Variants in VPS53 observed in about 807,000 individuals in gnomAD.
VPS53 encodes vacuolar protein sorting-associated protein 53 homolog.
VPS53 carries 70 observed loss-of-function variants against 107.0 expected under a neutral mutation model. That is an observed-to-expected ratio of 0.65 (90% CI 0.54 to 0.80). The LOEUF is 0.80. VPS53 is among the 30% of genes least tolerant of loss of function. The pLI, the probability that VPS53 is intolerant of heterozygous loss-of-function variation, is 0.00. For synonymous variants in VPS53, 409 were observed against 393.3 expected (o/e 1.04, Z -0.47); for missense variants, 917 against 1,049.4 (o/e 0.87, Z 1.74).
At chr17:523,606 C>T (rs1452787515) in intron 19 of VPS53, among the ~76,000 whole-genome samples, 2 of 152,108 alleles carry the variant, frequency 1.3e-5, no homozygotes, top group South Asian at 2.1e-4. Flanking sequence ...ATGGGGAAGA[C>T]GTCAGTGTTT....
At chr17:631,672 T>C (rs1000289975) in intron 7 of VPS53, 44 bp from the exon 8 acceptor site, 1 of 1,573,990 alleles carries the variant, frequency 6.4e-7, no homozygotes, top group Middle Eastern at 1.7e-4. Flanking sequence ...ATCATATCCT[T>C]ATGTAACTAC....
chr17:520,239 G>T lies in VPS53; in HGVS notation c.2224-309C>A, dbSNP rs1235779653. ...GCTGTTTGAAGTATGGGTTTCCGGG[G>T]CCCTCCTCTAAAGACTCTAATTCAG... On this transcript the variant is annotated intron_variant, in intron 20 of 21. Transcript: ENST00000437048. This position sits in a 1 kb window ranked among gnomAD's most constrained non-coding sequence, Gnocchi z 4.4. Among the ~76,000 whole-genome samples the T allele has an allele frequency of 1.3e-5, 2 of 152,104 alleles. No homozygotes were observed. The highest frequency in any genetic ancestry group is 6.6e-5 in the Admixed American group (1 of 15,262).
chr17:567,545 G>A (rs1226232795), intron 13 of VPS53, among the ~76,000 whole-genome samples: 3 of 151,170 alleles, frequency 2.0e-5, no homozygotes, highest in Non-Finnish European at 4.4e-5. Context: ...TTGTCACCCA[G>A]GACAAAGTGC....
intron 4 of VPS53, among the ~76,000 whole-genome samples, chr17:678,648 A>AT (rs1228557280): frequency 3.0e-4 from 43 of 145,472 alleles, no homozygotes; most frequent in African/African-American, 9.1e-4. Context: ...ATATATATAT[A>AT]TATTTTTTTG....
At chr17:607,910 T>C (rs994345789) in intron 11 of VPS53, among the ~76,000 whole-genome samples, 1 of 152,146 alleles carries the variant, frequency 6.6e-6, no homozygotes, top group African/African-American at 2.4e-5. Context: ...AGTACATCCG[T>C]ATCTCGTCTG....
At position 714,635 on chromosome 17, in the gene VPS53, C is replaced by T. The variant is rs763759158; in HGVS notation, c.75G>A (p.Leu25=). ...GCGGAACGCTTACCTGCTCGATGGC[C>T]AGCTGCACCTCGGGCGTGAGCTGCA... is the stretch of plus-strand genomic sequence containing the variant. ...AVLQLTPEVQ[L]AIEQVFPSQD... is the part of the protein sequence containing the mutation. Residue 25 remains leucine, a synonymous_variant, in exon 1 of 22, where the codon CTG becomes CTA. Coordinates refer to ENST00000437048, the MANE Select transcript of VPS53 (RefSeq NM_001128159.3). The T allele has an allele frequency of 6.2e-7, 1 of 1,612,552 alleles. No homozygotes were observed. The highest frequency in any genetic ancestry group is 1.7e-5 in the Admixed American group (1 of 59,930).
Position 546,869 on chromosome 17 carries a change from CCTTTTT to C in VPS53, c.1866+4997_1866+5002del, listed in dbSNP as rs1478460708. 2.3e-3 allele frequency among the ~76,000 whole-genome samples: 273 copies of C among 116,624 alleles called. No homozygotes were observed. The Middle Eastern group carries it at 0.039, about 17-fold the overall frequency. The allele number at this position is 116,624 out of a possible 152,430, so 76.5% of individuals were successfully genotyped here. ...GTTCCATTCCTTAGGTCCCTTAGATCCTTTTTTTTTTTTTTTTTTTTTTGAGACAGA... is the reference window on the plus strand; with the variant it reads ...GTTCCATTCCTTAGGTCCCTTAGATCTTTTTTTTTTTTTTTTTGAGACAGA... On this transcript the variant is annotated intron_variant, in intron 17 of 21. Transcript: ENST00000437048.
intron 17 of VPS53, among the ~76,000 whole-genome samples, chr17:542,849 G>T (rs1910806279): frequency 6.6e-6 from 1 of 151,932 alleles, no homozygotes; most frequent in African/African-American, 2.4e-5. Context: ...GTGGTGGCAG[G>T]CACCTGCAAT....
intron 17 of VPS53, among the ~76,000 whole-genome samples, chr17:548,279 C>T (rs1177231442): frequency 6.6e-6 from 1 of 152,258 alleles, no homozygotes; most frequent in Non-Finnish European, 1.5e-5. Flanking sequence ...AATGACTTAA[C>T]CAAGTTGCCA....
chr17:644,849 G>T (rs1970619152), intron 7 of VPS53, among the ~76,000 whole-genome samples: 2 of 152,198 alleles, frequency 1.3e-5, no homozygotes, highest in South Asian at 4.1e-4. Context: ...CTACCAAAGT[G>T]CTGGGACTCC....
chr17:626,276 C>A (rs1969703686), intron 10 of VPS53, among the ~76,000 whole-genome samples: 1 of 151,848 alleles, frequency 6.6e-6, no homozygotes, highest in Admixed American at 6.6e-5. Context: ...CCTTCCTGGG[C>A]TTTGGGTTTT....
chr17:591,879 G>T (rs925930599), intron 12 of VPS53, among the ~76,000 whole-genome samples: 3 of 152,188 alleles, frequency 2.0e-5, no homozygotes, highest in Non-Finnish European at 4.4e-5. Flanking sequence ...TTGATTTGGG[G>T]TGGAGAGTTC....
intron 7 of VPS53, among the ~76,000 whole-genome samples, chr17:646,870 C>A (rs1401432303): frequency 9.2e-6 from 1 of 108,558 alleles, no homozygotes; most frequent in African/African-American, 3.8e-5. Flanking sequence ...GACTGGAGAT[C>A]GGCTCCCACA....
intron 17 of VPS53, among the ~76,000 whole-genome samples, chr17:541,554 C>T (rs910745547): frequency 3.4e-4 from 52 of 152,218 alleles, no homozygotes; most frequent in African/African-American, 1.3e-3. Context: ...CTACCACGCA[C>T]TGAAGGAATG....
chr17:698,535 T>C (rs558747567), intron 3 of VPS53, among the ~76,000 whole-genome samples: 3 of 151,508 alleles, frequency 2.0e-5, no homozygotes, highest in Admixed American at 2.0e-4. Flanking sequence ...CGAAACCCCA[T>C]CTCTACAAAA....
rs1908156564 is a variant in VPS53, at chr17:514,472, TTATTC to T, written c.*4651_*4655del. 2.7e-5 allele frequency: 4 copies of T among 147,096 alleles called. No individual in the cohort carries two copies. Among genetic ancestry groups the T allele is most frequent in the African/African-American group, 7.7e-5 (3 of 38,832 alleles). The allele number at this position is 147,096 out of a possible 1,614,324, so 9.1% of individuals were successfully genotyped here. ...GCCAAGGAATCCCATTTCCAGCAGG[TTATTC>T]TGAGTGCTCTTCCTAGCCAAGGAAT... On this transcript the variant is annotated 3_prime_UTR_variant, in exon 22 of 22. Coordinates refer to ENST00000437048, the MANE Select transcript of VPS53 (RefSeq NM_001128159.3).
At position 637,246 on chromosome 17, in the gene VPS53, G is replaced by A. The variant is rs1390252638; in HGVS notation, c.609-5618C>T. ...TTTTCTGATGGTAGTTTGTATTTCTGTGGGATCAGTGGTGATATCCCCTTT... is the reference window on the plus strand; with the variant it reads ...TTTTCTGATGGTAGTTTGTATTTCTATGGGATCAGTGGTGATATCCCCTTT... On this transcript the variant is annotated intron_variant, in intron 7 of 21. Coordinates refer to ENST00000437048, the MANE Select transcript of VPS53 (RefSeq NM_001128159.3). 2.0e-5 allele frequency among the ~76,000 whole-genome samples: 3 copies of A among 152,180 alleles called. No homozygotes were observed. The East Asian group carries it at 5.8e-4, about 29-fold the overall frequency.
At chr17:561,344 C>T (rs923867991) in intron 14 of VPS53, among the ~76,000 whole-genome samples, 1 of 152,206 alleles carries the variant, frequency 6.6e-6, no homozygotes, top group Admixed American at 6.5e-5. Flanking sequence ...TGGCTCCTTT[C>T]ACCTTGCCCC....
chr17:567,216 A>G (rs766917056), intron 13 of VPS53, among the ~76,000 whole-genome samples: 1 of 152,234 alleles, frequency 6.6e-6, no homozygotes, highest in Non-Finnish European at 1.5e-5. Flanking sequence ...CAGCATAAAG[A>G]AAATGTTCAC....
Sources: gnomAD v4.1 joint callset for allele counts (sites outside exome capture counted in the v4.1 genomes callset) on GRCh38, gnomAD v4.1.1 for gene constraint, Gnocchi (gnomAD v3.1) non-coding constraint, MANE v1.5 for transcripts, NCBI Gene and HGNC (gene_info 2026-07-23, HGNC 2026-07-21) for gene names.